The following UVRAG variants were observed in gnomAD, a reference collection of about 807,000 sequenced individuals.
UVRAG encodes the protein UV radiation resistance associated.
In UVRAG, 19 loss-of-function variants were observed where a neutral mutation model predicts 78.0. That is an observed-to-expected ratio of 0.24 (90% CI 0.17 to 0.36). The LOEUF (loss-of-function observed/expected upper bound fraction) is 0.36, where lower values mean the gene tolerates loss of function less well. Ranked by LOEUF, UVRAG falls within the 10% of genes least tolerant of loss-of-function variation. The pLI, the probability that UVRAG is intolerant of heterozygous loss-of-function variation, is 1.00. For missense variants in UVRAG, 740 were observed against 853.8 expected, an observed-to-expected ratio of 0.87 and a Z score of 1.66; for synonymous variants, 323 against 324.6, an observed-to-expected ratio of 1.00 and a Z score of 0.05.
chr11:76,111,036 T>C (rs1037540351), intron 13 of UVRAG, among the ~76,000 whole-genome samples: 1 of 152,026 alleles, frequency 6.6e-6, no homozygotes, highest in Non-Finnish European at 1.5e-5. Flanking sequence ...GCATTTTTAG[T>C]AGAGATGAGG....
At chr11:76,094,939 C>G (rs1282350937) in intron 13 of UVRAG, among the ~76,000 whole-genome samples, 1 of 152,098 alleles carries the variant, frequency 6.6e-6, no homozygotes, top group African/African-American at 2.4e-5. Context: ...CAAGGATGTT[C>G]CAGTCATCCC....
intron 12 of UVRAG, among the ~76,000 whole-genome samples, chr11:76,025,632 A>G (rs890550265): frequency 1.3e-5 from 2 of 152,130 alleles, no homozygotes; most frequent in East Asian, 3.9e-4. Flanking sequence ...GTTTGTTCCT[A>G]TGGAGGATCC....
chr11:75,938,511 C>A (rs1948423581), intron 6 of UVRAG, among the ~76,000 whole-genome samples: 2 of 152,054 alleles, frequency 1.3e-5, no homozygotes, highest in African/African-American at 2.4e-5. Flanking sequence ...GAAAAATTTT[C>A]TTCCTTTCAG....
At chr11:75,872,298 A>G (rs1946668912) in intron 3 of UVRAG, among the ~76,000 whole-genome samples, 2 of 152,008 alleles carry the variant, frequency 1.3e-5, no homozygotes, top group Admixed American at 6.6e-5. Context: ...TTCGAACTTC[A>G]GGGGCTGCCT....
At chr11:75,950,539 C>T (rs968308608) in intron 6 of UVRAG, among the ~76,000 whole-genome samples, 8 of 152,212 alleles carry the variant, frequency 5.3e-5, no homozygotes, top group African/African-American at 1.7e-4. Flanking sequence ...CAGGCATGAG[C>T]CACCGCACCC....
intron 12 of UVRAG, among the ~76,000 whole-genome samples, chr11:76,052,956 CTATAGAGTA>C (rs927212397): frequency 1.1e-4 from 17 of 148,828 alleles, no homozygotes; most frequent in Non-Finnish European, 2.4e-4. Context: ...TATCTATATA[CTATAGAGTA>C]TATAGGTATA....
chr11:75,815,343 G>T lies in UVRAG; in HGVS notation c.-65G>T. The T allele has an allele frequency of 1.1e-6, 1 of 887,622 alleles. No individual in the cohort carries two copies. The highest frequency in any genetic ancestry group is 1.5e-6 in the Non-Finnish European group (1 of 668,680). The allele number at this position is 887,622 out of a possible 1,614,324, so 55.0% of individuals were successfully genotyped here. A position where few individuals can be genotyped will look rare whatever the true frequency, so the allele number is the denominator to read the frequency against. On this transcript the variant is annotated 5_prime_UTR_variant, in exon 1 of 15. Coordinates refer to ENST00000356136, the MANE Select transcript of UVRAG (RefSeq NM_003369.4). ...GGCTGCAGGGGCTTGGTAGGTGGTGGCAAGGGGGCGGCGGCGGATGCCGGA... is the reference window on the plus strand; with the variant it reads ...GGCTGCAGGGGCTTGGTAGGTGGTGTCAAGGGGGCGGCGGCGGATGCCGGA...
intron 8 of UVRAG, among the ~76,000 whole-genome samples, chr11:75,991,842 G>C (rs1247713689): frequency 1.3e-5 from 2 of 152,030 alleles, no homozygotes; most frequent in African/African-American, 4.8e-5. Context: ...TCTAAACAGT[G>C]ATATCTATAC....
At chr11:75,859,601 T>C (rs1033087762) in intron 2 of UVRAG, among the ~76,000 whole-genome samples, 4 of 152,164 alleles carry the variant, frequency 2.6e-5, no homozygotes, top group Admixed American at 2.6e-4. Context: ...GTCATTCTCC[T>C]TTGAAAGATG....
chr11:75,830,281 C>CTT (rs112644344), intron 1 of UVRAG, among the ~76,000 whole-genome samples: 3 of 149,326 alleles, frequency 2.0e-5, no homozygotes, highest in African/African-American at 7.4e-5. Context: ...AGTAAGTATT[C>CTT]TTTTTTTTTT....
chr11:76,102,925 T>C (rs1256722540), intron 13 of UVRAG, among the ~76,000 whole-genome samples: 1 of 152,190 alleles, frequency 6.6e-6, no homozygotes, highest in Non-Finnish European at 1.5e-5. Flanking sequence ...GCTGAGCTCT[T>C]ATCTGGAGTT....
chr11:76,061,307 T>C (rs982858584), intron 12 of UVRAG, among the ~76,000 whole-genome samples: 8 of 152,280 alleles, frequency 5.3e-5, no homozygotes, highest in African/African-American at 1.7e-4. Flanking sequence ...ATCAGCGCCC[T>C]GTCAAAGCAG....
intron 3 of UVRAG, among the ~76,000 whole-genome samples, chr11:75,874,669 T>G (rs1946726034): frequency 6.6e-6 from 1 of 152,278 alleles, no homozygotes; most frequent in African/African-American, 2.4e-5. Flanking sequence ...TTATCTATTA[T>G]TAATACTTTA....
chr11:76,141,138 G>T lies in UVRAG; in HGVS notation c.1825G>T (p.Ala609Ser), dbSNP rs149222690. The T allele has an allele frequency of 1.2e-6, 2 of 1,614,094 alleles. No homozygotes were observed. Among genetic ancestry groups the T allele is most frequent in the Non-Finnish European group, 1.7e-6 (2 of 1,180,036 alleles). The change falls in exon 15 of 15, where the codon GCC (alanine) becomes TCC (serine). Residue 609 changes from alanine to serine, a missense_variant. Coordinates refer to ENST00000356136, the MANE Select transcript of UVRAG (RefSeq NM_003369.4). ...TLLPSEQAGS[A>S]SVQLPGEFHP... is the part of the protein sequence containing the mutation. Reference sequence around the variant, plus strand: ...CCTACCCAGCGAGCAGGCCGGGTCCGCCAGTGTCCAGCTTCCAGGCGAGTT... The same window carrying T: ...CCTACCCAGCGAGCAGGCCGGGTCCTCCAGTGTCCAGCTTCCAGGCGAGTT...
At chr11:75,856,375 T>G (rs1946293248) in intron 2 of UVRAG, among the ~76,000 whole-genome samples, 2 of 152,200 alleles carry the variant, frequency 1.3e-5, no homozygotes, top group African/African-American at 4.8e-5. Context: ...GAATACCGAC[T>G]GTCTTGAATA....
At chr11:76,077,156 T>C (rs1951418354) in intron 13 of UVRAG, among the ~76,000 whole-genome samples, 1 of 148,658 alleles carries the variant, frequency 6.7e-6, no homozygotes, top group Non-Finnish European at 1.5e-5. Flanking sequence ...AAATATATAA[T>C]ATATGTAAAT....
chr11:76,093,859 C>T (rs1272705750), intron 13 of UVRAG, among the ~76,000 whole-genome samples: 2 of 152,120 alleles, frequency 1.3e-5, no homozygotes, highest in Non-Finnish European at 2.9e-5. Flanking sequence ...TTTCTTTCTC[C>T]TGCCTGATTG....
At chr11:76,060,951 C>T (rs551292581) in intron 12 of UVRAG, among the ~76,000 whole-genome samples, 38 of 152,330 alleles carry the variant, frequency 2.5e-4, no homozygotes, top group Admixed American at 9.8e-4. Flanking sequence ...GGAGTGCGGG[C>T]GCATGGCGCG....
chr11:75,869,898 A>G (rs1946613995), intron 3 of UVRAG, among the ~76,000 whole-genome samples: 1 of 152,112 alleles, frequency 6.6e-6, no homozygotes, highest in South Asian at 2.1e-4. Context: ...AGCAACAGTA[A>G]TAAATAATGG....
Sources: gnomAD v4.1 joint callset for allele counts (sites outside exome capture counted in the v4.1 genomes callset) on GRCh38, gnomAD v4.1.1 for gene constraint, MANE v1.5 for transcripts, NCBI Gene and HGNC (gene_info 2026-07-23, HGNC 2026-07-21) for gene names.